The following ACSL6 variants were observed in gnomAD, a reference collection of about 807,000 sequenced individuals.
ACSL6 encodes acyl-CoA synthetase long chain family member 6.
A neutral mutation model predicts 98.2 loss-of-function variants in ACSL6; 47 were observed. That is an observed-to-expected ratio of 0.48 (90% CI 0.38 to 0.61). ACSL6 has a LOEUF of 0.61. Ranked by LOEUF, ACSL6 falls within the 20% of genes least tolerant of loss-of-function variation. The pLI is 0.00. For synonymous variants in ACSL6, 362 were observed against 336.9 expected (o/e 1.07, Z -0.82); for missense variants, 761 against 913.4 (o/e 0.83, Z 2.15).
intron 14 of ACSL6, 97 bp downstream of exon 14, chr5:131,971,453 T>A: frequency 9.9e-7 from 1 of 1,012,920 alleles, no homozygotes; most frequent in Non-Finnish European, 1.3e-6. Context: ...AAAAATCTTG[T>A]CCCCCGGTTC....
chr5:131,952,567 T>C lies in ACSL6; in HGVS notation c.*1667A>G, dbSNP rs756368110. ...TAACACATGAATTGCATATGGATTGTTGATATGCTTTTAGAGTCTTGTCTC... is the reference window on the plus strand; with the variant it reads ...TAACACATGAATTGCATATGGATTGCTGATATGCTTTTAGAGTCTTGTCTC... On this transcript the variant is annotated 3_prime_UTR_variant, in exon 21 of 21. Transcript: ENST00000651883. 77 of 214,286 alleles carry C rather than the reference T, an allele frequency of 3.6e-4. No individual in the cohort carries two copies. The highest frequency in any genetic ancestry group is 9.4e-5 in the Non-Finnish European group (10 of 106,236). The allele number at this position is 214,286 out of a possible 1,614,324, so 13.3% of individuals were successfully genotyped here. A position where few individuals can be genotyped will look rare whatever the true frequency, so the allele number is the denominator to read the frequency against.
At chr5:132,009,189 A>G (rs1755576006) in intron 1 of ACSL6, among the ~76,000 whole-genome samples, 1 of 152,166 alleles carries the variant, frequency 6.6e-6, no homozygotes, top group South Asian at 2.1e-4. Flanking sequence ...CTCCTGGTGC[A>G]TTGCCACACC....
intron 4 of ACSL6, 111 bp downstream of exon 4, chr5:131,989,989 G>A: frequency 4.2e-6 from 5 of 1,180,048 alleles, no homozygotes; most frequent in Non-Finnish European, 6.0e-6. Flanking sequence ...AGACAGGCCA[G>A]GGAAATAAAT....
chr5:131,951,546 T>A lies in ACSL6; in HGVS notation c.*2688A>T, dbSNP rs991421223. 1 of 192,250 alleles carries A rather than the reference T, an allele frequency of 5.2e-6. No homozygotes were observed. The highest frequency in any genetic ancestry group is 1.8e-3 in the Middle Eastern group (1 of 560). 11.9% of individuals were successfully genotyped at this position (192,250 alleles called of 1,614,324 possible). A position where few individuals can be genotyped will look rare whatever the true frequency, so the allele number is the denominator to read the frequency against. On this transcript the variant is annotated 3_prime_UTR_variant, in exon 21 of 21. Coordinates refer to ENST00000651883, the MANE Select transcript of ACSL6 (RefSeq NM_001009185.3). ...GACCTGGAAATCTAGAAATATAAGA[T>A]ATTTTAAGTGGCAAAAAGAAGAAAC...
chr5:131,975,078 A>C, intron 10 of ACSL6, 108 bp from the exon 11 acceptor site: 1 of 1,367,108 alleles, frequency 7.3e-7, no homozygotes, highest in Non-Finnish European at 9.8e-7. Context: ...GTAAACAGGA[A>C]GAGGGGGAGG....
Position 131,989,468 on chromosome 5 carries a change from T to C in ACSL6, c.491A>G (p.Gln164Arg). The C allele has an allele frequency of 6.2e-7, 1 of 1,613,462 alleles. No individual in the cohort carries two copies. Among genetic ancestry groups the C allele is most frequent in the Non-Finnish European group, 8.5e-7 (1 of 1,179,844 alleles). ...ATCAGTGCATGCTTTACAATTGTGC[T>C]GGAGAAGTCCGGACCCCAGAAATTC... ...RAEFLGSGLL[Q>R]HNCKACTDQF... The change falls in exon 5 of 21, where the codon CAG becomes CGG. Residue 164 changes from glutamine (Q) to arginine (R), a missense_variant. Physicochemically the swap from Gln to Arg is conservative, Grantham distance 43. Transcript: ENST00000651883.
intron 20 of ACSL6, among the ~76,000 whole-genome samples, chr5:131,957,854 T>C (rs1468831424): frequency 6.6e-6 from 1 of 152,170 alleles, no homozygotes; most frequent in Non-Finnish European, 1.5e-5. Flanking sequence ...ACACACTGGC[T>C]ATGGTAGGGA....
At position 131,975,351 on chromosome 5, in the gene ACSL6, C is replaced by G. The variant is rs1054346777; in HGVS notation, c.991-381G>C. ...GGCCTGCCCCTCACTTGCAGTCAGT[C>G]GGCTCTAGCCCGGCTCTCTCCCCTT... is the stretch of plus-strand genomic sequence containing the variant. On this transcript the variant is annotated intron_variant, in intron 10 of 20. Transcript: ENST00000651883. The G allele has an allele frequency of 1.0e-5, 10 of 985,264 alleles. No individual in the cohort carries two copies. The Admixed American group carries it at 6.1e-4, about 61-fold the overall frequency. The allele number at this position is 985,264 out of a possible 1,614,324, so 61.0% of individuals were successfully genotyped here.
upstream of ACSL6, chr5:132,011,925 C>A (rs746094203): frequency 9.6e-6 from 15 of 1,555,606 alleles, no homozygotes; most frequent in Admixed American, 2.3e-4. This position sits in a 1 kb window ranked among gnomAD's most constrained non-coding sequence, Gnocchi z 5.4. Context: ...TGGCATTCTG[C>A]GGAAACCGGC....
upstream of ACSL6, chr5:132,011,944 G>A (rs556405893): frequency 1.3e-6 from 2 of 1,549,748 alleles, no homozygotes; most frequent in African/African-American, 2.7e-5. The surrounding 1 kb of genome is among the most constrained non-coding windows in gnomAD (Gnocchi z 5.4). Flanking sequence ...GCTGGAAGGG[G>A]GAGCACGGGC....
At chr5:131,987,946 A>C in intron 7 of ACSL6, 102 bp downstream of exon 7, 1 of 1,500,114 alleles carries the variant, frequency 6.7e-7, no homozygotes. Context: ...CTGCGGGCCC[A>C]AAACAGCCAC....
At chr5:131,988,421 G>A (rs1303236367) in intron 6 of ACSL6, 195 bp from the exon 7 acceptor site, 7 of 1,330,322 alleles carry the variant, frequency 5.3e-6, no homozygotes, top group Non-Finnish European at 7.3e-6. Context: ...AAGGGCAGAA[G>A]GCCATGGAAC....
chr5:131,952,690 T>A lies in ACSL6; in HGVS notation c.*1544A>T, dbSNP rs1157133093. Reference sequence around the variant, plus strand: ...CTGTCCATGGTATCTGGCCTTTAATTATAAGAAATTGTTGACACCCCAATA... The same window carrying A: ...CTGTCCATGGTATCTGGCCTTTAATAATAAGAAATTGTTGACACCCCAATA... On this transcript the variant is annotated 3_prime_UTR_variant, in exon 21 of 21. Coordinates refer to ENST00000651883, the MANE Select transcript of ACSL6 (RefSeq NM_001009185.3). The A allele has an allele frequency of 4.6e-6, 1 of 215,148 alleles. No individual in the cohort carries two copies. Among genetic ancestry groups the A allele is most frequent in the Non-Finnish European group, 9.4e-6 (1 of 106,928 alleles). 13.3% of individuals were successfully genotyped at this position (215,148 alleles called of 1,614,324 possible).
chr5:131,995,243 A>C (rs1754735924), intron 1 of ACSL6, among the ~76,000 whole-genome samples: 1 of 152,128 alleles, frequency 6.6e-6, no homozygotes, highest in Non-Finnish European at 1.5e-5. Flanking sequence ...AGCAGGCCCC[A>C]GGGGCCTGCG....
chr5:131,998,852 C>T (rs1371705098), intron 1 of ACSL6, among the ~76,000 whole-genome samples: 3 of 152,188 alleles, frequency 2.0e-5, no homozygotes, highest in African/African-American at 4.8e-5. Context: ...TTCCTATTGC[C>T]TTAGGACCAG....
At chr5:132,004,296 T>C (rs983435229) in intron 1 of ACSL6, among the ~76,000 whole-genome samples, 1 of 151,516 alleles carries the variant, frequency 6.6e-6, no homozygotes, top group Non-Finnish European at 1.5e-5. Flanking sequence ...AGGAGCTGCC[T>C]ATTAACCACA....
In ACSL6 at chr5:131,972,737, A is replaced by C. The variant is rs764113174; in HGVS notation, c.1325T>G (p.Phe442Cys). 19 of 1,614,030 alleles carry C rather than the reference A, an allele frequency of 1.2e-5. No individual in the cohort carries two copies. In the Admixed American group the frequency reaches 2.3e-4, roughly 20 times the overall value. Residue 442 changes from phenylalanine (F) to cysteine (C), a missense_variant, in exon 13 of 21, where the codon TTT becomes TGT. Phe to Cys is a radical substitution (Grantham distance 205, BLOSUM62 -2). Transcript: ENST00000651883. ...TCATTTTCTTACCTGAATCTTATTA[A>C]AGAAGAGTTCATCCCAGATACTATC... ...RNDSIWDELFFNKIQASLGGC... is the reference protein window; with the variant it reads ...RNDSIWDELFCNKIQASLGGC...
intron 18 of ACSL6, among the ~76,000 whole-genome samples, chr5:131,961,215 G>A (rs1468974000): frequency 6.6e-6 from 1 of 151,932 alleles, no homozygotes; most frequent in African/African-American, 2.4e-5. Flanking sequence ...TGTAGAGATA[G>A]GGTTTAACCA....
In ACSL6 at chr5:131,969,003, A is replaced by G. The variant is rs148590302; in HGVS notation, c.1508-975T>C. Among the ~76,000 whole-genome samples, 493 of 152,360 alleles carry G rather than the reference A, an allele frequency of 3.2e-3. 6 individuals carry two copies. Among genetic ancestry groups the G allele is most frequent in the African/African-American group, 0.012 (484 of 41,588 alleles). ...GGGAAGAGATACATGTCCAAAAGGA[A>G]GGGATACATGAGGGTAGATACTGGA... is the stretch of plus-strand genomic sequence containing the variant. On this transcript the variant is annotated intron_variant, in intron 15 of 20. Transcript: ENST00000651883.
Sources: gnomAD v4.1 joint callset for allele counts (sites outside exome capture counted in the v4.1 genomes callset) on GRCh38, gnomAD v4.1.1 for gene constraint, Gnocchi (gnomAD v3.1) non-coding constraint, MANE v1.5 for transcripts, NCBI Gene and HGNC (gene_info 2026-07-23, HGNC 2026-07-21) for gene names.